Variants in FER1L5 observed in about 807,000 individuals in gnomAD.
FER1L5 encodes fer-1 like family member 5.
In FER1L5, 187 loss-of-function variants were observed where a neutral mutation model predicts 279.9. The ratio of observed to expected loss-of-function variants is 0.67; its 90% CI spans 0.59 to 0.75. The LOEUF is 0.75. FER1L5 is among the 30% of genes least tolerant of loss of function. The pLI is 0.00. For synonymous variants in FER1L5, 921 were observed against 989.7 expected (o/e 0.93, Z 1.30); for missense variants, 2,091 against 2,594.4 (o/e 0.81, Z 4.21).
Position 96,693,899 on chromosome 2 carries a change from TC to T in FER1L5, c.3475-6del, listed in dbSNP as rs746422347. On this transcript the variant is annotated splice_polypyrimidine_tract_variant and intron_variant, in intron 32 of 52. Coordinates refer to ENST00000624922, the MANE Select transcript of FER1L5 (RefSeq NM_001293083.2). ...GCATGGCCTCCATGCTTTGTGAACT[TC>T]CCCCCTCCAGGGCAAGGAGAGCTTG... 15 of 1,533,740 alleles carry T rather than the reference TC, an allele frequency of 9.8e-6. No individual in the cohort carries two copies. Among genetic ancestry groups the T allele is most frequent in the Non-Finnish European group, 1.3e-5 (15 of 1,138,884 alleles).
At chr2:96,684,800 G>C (rs574391048) in intron 20 of FER1L5, among the ~76,000 whole-genome samples, 1 of 152,230 alleles carries the variant, frequency 6.6e-6, no homozygotes, top group South Asian at 2.1e-4. Context: ...GCACAAAGGA[G>C]ATGACACATC....
chr2:96,651,220 A>C (rs1038152527), intron 6 of FER1L5, among the ~76,000 whole-genome samples: 1 of 147,398 alleles, frequency 6.8e-6, no homozygotes, highest in Admixed American at 6.7e-5. Flanking sequence ...TAGGGCTACA[A>C]CTTTCTTTCT....
chr2:96,659,168 C>T (rs1276098925), intron 9 of FER1L5, among the ~76,000 whole-genome samples: 1 of 151,074 alleles, frequency 6.6e-6, no homozygotes, highest in African/African-American at 2.4e-5. Context: ...CTCCTGACCT[C>T]GTGATCCGCC....
intron 9 of FER1L5, among the ~76,000 whole-genome samples, chr2:96,655,714 T>G (rs778471051): frequency 6.6e-5 from 10 of 152,060 alleles, no homozygotes; most frequent in Admixed American, 6.6e-5. Context: ...TAACCAAGCT[T>G]CTTCTTTTTT....
At chr2:96,651,802 C>T in intron 6 of FER1L5, 90 bp from the exon 7 acceptor site, 1 of 1,523,072 alleles carries the variant, frequency 6.6e-7, no homozygotes, top group Non-Finnish European at 8.9e-7. Flanking sequence ...CCACTCATTG[C>T]ACCTGGCCTA....
chr2:96,692,383 G>T (rs1350387750), intron 31 of FER1L5, among the ~76,000 whole-genome samples: 1 of 152,194 alleles, frequency 6.6e-6, no homozygotes, highest in African/African-American at 2.4e-5. Flanking sequence ...CATGGATGAG[G>T]GTGACAAAGA....
At chr2:96,647,956 A>T in intron 4 of FER1L5, 70 bp downstream of exon 4, 1 of 1,234,254 alleles carries the variant, frequency 8.1e-7, no homozygotes, top group Non-Finnish European at 1.2e-6. Context: ...AGCGGCCCAC[A>T]CCACAAGAGT....
At chr2:96,669,185 C>G in intron 17 of FER1L5, 48 bp downstream of exon 17, 1 of 1,516,006 alleles carries the variant, frequency 6.6e-7, no homozygotes, top group South Asian at 1.2e-5. Flanking sequence ...TAGAGCTTCC[C>G]CATGTAAAGC....
rs780634981 is a variant in FER1L5 at position 96,695,550 on chromosome 2, C to T, written c.3783C>T (p.Ser1261=). The T allele has an allele frequency of 6.3e-7, 1 of 1,593,360 alleles. No homozygotes were observed. The highest frequency in any genetic ancestry group is 1.1e-5 in the South Asian group (1 of 87,534). The change falls in exon 35 of 53, where the codon TCC becomes TCT. Residue 1261 remains serine (S), a synonymous_variant. Transcript: ENST00000624922. Reference sequence around the variant, plus strand: ...TTCGGAACATGAAGAAGGCGAGCTCCCCCCAGCTCCTGGTGGAATTCGGGG... The same window carrying T: ...TTCGGAACATGAAGAAGGCGAGCTCTCCCCAGCTCCTGGTGGAATTCGGGG... ...WGLRNMKKAS[S]PQLLVEFGEE...
chr2:96,671,532 G>T (rs1000902200), intron 18 of FER1L5, among the ~76,000 whole-genome samples: 3 of 152,234 alleles, frequency 2.0e-5, no homozygotes, highest in African/African-American at 7.2e-5. Context: ...AGATATGAGG[G>T]AAATGATGAA....
intron 19 of FER1L5, among the ~76,000 whole-genome samples, chr2:96,682,668 G>A (rs1291080054): frequency 1.3e-5 from 2 of 152,200 alleles, no homozygotes; most frequent in African/African-American, 4.8e-5. Flanking sequence ...CTGCCAAGCA[G>A]GGACCACTTT....
chr2:96,653,981 C>T (rs2075489973), intron 8 of FER1L5: 1 of 477,348 alleles, frequency 2.1e-6, no homozygotes, highest in Non-Finnish European at 3.7e-6. Flanking sequence ...CCACCAAAGG[C>T]CCCTCCAAGT....
Position 96,697,577 on chromosome 2 carries a change from G to C in FER1L5, c.4134+1G>C, listed in dbSNP as rs1239613811. 6.2e-7 allele frequency: 1 copy of C among 1,613,678 alleles called. No homozygotes were observed. Among genetic ancestry groups the C allele is most frequent in the African/African-American group, 1.3e-5 (1 of 74,924 alleles). On this transcript the variant is annotated splice_donor_variant, in intron 38 of 52. Transcript: ENST00000624922. LOFTEE classifies it high-confidence loss of function. ...CTGGTTCAAGTCCAGTAAAGCAGAG[G>C]TGATGAAGGCTCAGCCCCATTCAGT...
At chr2:96,659,509 C>CTT (rs2075861755) in intron 9 of FER1L5, among the ~76,000 whole-genome samples, 2 of 75,726 alleles carry the variant, frequency 2.6e-5, no homozygotes, top group Admixed American at 1.7e-4. Context: ...TTCTTTCTTT[C>CTT]GAGACAGAGT....
chr2:96,697,532 G>T lies in FER1L5; in HGVS notation c.4090G>T (p.Gly1364Cys). 6.2e-7 allele frequency: 1 copy of T among 1,613,420 alleles called. No homozygotes were observed. Among genetic ancestry groups the T allele is most frequent in the South Asian group, 1.1e-5 (1 of 90,878 alleles). The change falls in exon 38 of 53, where the codon GGC (glycine) becomes TGC (cysteine). Residue 1364 changes from glycine (G) to cysteine (C), a missense_variant. Gly to Cys is a radical substitution (Grantham distance 159). Transcript: ENST00000624922. ...LSEKKHQDFL[G>C]YLYRKFWFKS... is the part of the protein sequence containing the mutation. ...TCACCCTCTCCTTTTTCAGTTCCTA[G>T]GCTACCTCTACAGAAAGTTCTGGTT...
chr2:96,660,398 A>G (rs1020943203), intron 10 of FER1L5, 27 bp downstream of exon 10: 123 of 1,550,818 alleles, frequency 7.9e-5, no homozygotes, highest in Admixed American at 1.2e-4. Context: ...GCAAATATGT[A>G]TGTCTTCTGA....
intron 2 of FER1L5, among the ~76,000 whole-genome samples, chr2:96,646,699 A>C (rs1428572072): frequency 6.6e-6 from 1 of 152,164 alleles, no homozygotes; most frequent in Non-Finnish European, 1.5e-5. Flanking sequence ...GGTATGGCCT[A>C]TCAACCATCC....
chr2:96,703,110 G>A (rs2077652533), intron 49 of FER1L5, 33 bp downstream of exon 49: 2 of 1,613,482 alleles, frequency 1.2e-6, no homozygotes, highest in African/African-American at 1.3e-5. Context: ...GTGACCACAG[G>A]ACAGGGAGCT....
At chr2:96,688,640 A>G (rs544744585) in intron 24 of FER1L5, among the ~76,000 whole-genome samples, 1 of 152,152 alleles carries the variant, frequency 6.6e-6, no homozygotes, top group Non-Finnish European at 1.5e-5. Flanking sequence ...TCTAAGTTGC[A>G]TGTGTAGATG....
Sources: gnomAD v4.1 joint callset for allele counts (sites outside exome capture counted in the v4.1 genomes callset) on GRCh38, gnomAD v4.1.1 for gene constraint, MANE v1.5 for transcripts, NCBI Gene and HGNC (gene_info 2026-07-23, HGNC 2026-07-21) for gene names.